Variants in UNC13C observed in about 807,000 individuals in gnomAD.
UNC13C encodes the protein protein unc-13 homolog C.
UNC13C carries 174 observed loss-of-function variants against 245.4 expected under a neutral mutation model. The observed-to-expected ratio is 0.71, with a 90% confidence interval of 0.63 to 0.80. UNC13C has a LOEUF of 0.80. UNC13C is among the 30% of genes least tolerant of loss of function. The pLI is 0.00. For missense variants in UNC13C, 2,829 were observed against 2,602.9 expected, an observed-to-expected ratio of 1.09 and a Z score of -1.89; for synonymous variants, 992 against 895.1, an observed-to-expected ratio of 1.11 and a Z score of -1.93.
At chr15:54,002,944 T>G (rs140713687) in intron 1 of UNC13C, among the ~76,000 whole-genome samples, 24 of 152,334 alleles carry the variant, frequency 1.6e-4, no homozygotes, top group African/African-American at 5.8e-4. Context: ...GGCCTGCGTT[T>G]TTGTTCCAGC....
chr15:54,014,226 C>T lies in UNC13C; in HGVS notation c.1323C>T (p.Ile441=). The change falls in exon 2 of 33, where the codon ATC becomes ATT. Residue 441 remains isoleucine (I), a synonymous_variant. Transcript: ENST00000260323. ...AGTTGTCTACTCCAGAGCCAAAAATCAAGAAGAACAATTGGCAGTCACCTG... is the reference window on the plus strand; with the variant it reads ...AGTTGTCTACTCCAGAGCCAAAAATTAAGAAGAACAATTGGCAGTCACCTG... ...AIKLSTPEPK[I]KKNNWQSPDD... 1 of 1,613,874 alleles carries T rather than the reference C, an allele frequency of 6.2e-7. No individual in the cohort carries two copies. The highest frequency in any genetic ancestry group is 8.5e-7 in the Non-Finnish European group (1 of 1,179,832).
rs926091492 is a variant in UNC13C at position 54,429,375 on chromosome 15, A to G, written c.4933+14308A>G. ...TTTTATGAACTTCCCATATTTTTCCACGTCTTTATCTTTTTAAAAGTGTAA... is the reference window on the plus strand; with the variant it reads ...TTTTATGAACTTCCCATATTTTTCCGCGTCTTTATCTTTTTAAAAGTGTAA... On this transcript the variant is annotated intron_variant, in intron 19 of 32. Transcript: ENST00000260323. Among the ~76,000 whole-genome samples the G allele has an allele frequency of 2.0e-5, 3 of 151,866 alleles. No individual in the cohort carries two copies. The South Asian group carries it at 6.2e-4, about 31-fold the overall frequency.
the UNC13C span, among the ~76,000 whole-genome samples, chr15:53,852,920 G>T: frequency 6.6e-6 from 1 of 151,988 alleles, no homozygotes; most frequent in Non-Finnish European, 1.5e-5. Flanking sequence ...TAAGAAAATT[G>T]CTACAGAATT....
the UNC13C span, among the ~76,000 whole-genome samples, chr15:53,916,511 C>G: frequency 6.6e-6 from 1 of 152,066 alleles, no homozygotes; most frequent in African/African-American, 2.4e-5. Flanking sequence ...TGGGAAAGGC[C>G]AGGACTTGTA....
At chr15:53,934,612 C>T in the UNC13C span, among the ~76,000 whole-genome samples, 5 of 152,134 alleles carry the variant, frequency 3.3e-5, no homozygotes, top group African/African-American at 1.2e-4. Context: ...CTCAAATAGT[C>T]GTAGAAGGTA....
chr15:54,293,014 A>G (rs2037341466), intron 10 of UNC13C, among the ~76,000 whole-genome samples: 1 of 151,086 alleles, frequency 6.6e-6, no homozygotes, highest in African/African-American at 2.4e-5. Context: ...GTGTATATAC[A>G]TATATAATAT....
rs764006044 is a variant in UNC13C, at chr15:54,143,612, C to T, written c.3007-8C>T. The T allele has an allele frequency of 3.1e-6, 5 of 1,612,302 alleles. No individual in the cohort carries two copies. Among genetic ancestry groups the T allele is most frequent in the Non-Finnish European group, 4.2e-6 (5 of 1,178,834 alleles). On this transcript the variant is annotated splice_region_variant and splice_polypyrimidine_tract_variant and intron_variant, in intron 3 of 32. Transcript: ENST00000260323. ...TTTGTTTTGTTTTTCTCTTACTCTT[C>T]ATTTAAGGCTCGAATAGTAAGTGGC...
chr15:54,425,446 GC>G (rs2040740658), intron 19 of UNC13C, among the ~76,000 whole-genome samples: 1 of 151,842 alleles, frequency 6.6e-6, no homozygotes, highest in Non-Finnish European at 1.5e-5. Context: ...GAATTTTCAT[GC>G]TATGCTCCAC....
At chr15:54,335,695 T>G (rs1331828328) in intron 16 of UNC13C, among the ~76,000 whole-genome samples, 1 of 152,200 alleles carries the variant, frequency 6.6e-6, no homozygotes, top group Non-Finnish European at 1.5e-5. Context: ...GTATCAACAA[T>G]TCACTTCTGT....
At chr15:53,919,405 T>C in the UNC13C span, among the ~76,000 whole-genome samples, 1 of 152,150 alleles carries the variant, frequency 6.6e-6, no homozygotes, top group Non-Finnish European at 1.5e-5. Flanking sequence ...GAATCAGCGC[T>C]CTTAGGGTAG....
At chr15:54,421,196 G>T (rs1038466609) in intron 19 of UNC13C, among the ~76,000 whole-genome samples, 1 of 151,700 alleles carries the variant, frequency 6.6e-6, no homozygotes, top group East Asian at 1.9e-4. Flanking sequence ...CAAGATTCCT[G>T]GTGATTCTAG....
rs1264763374 is a variant in UNC13C at position 54,384,954 on chromosome 15, A to G, written c.4714-8094A>G. On this transcript the variant is annotated intron_variant, in intron 17 of 32. Transcript: ENST00000260323. ...CAGGGAAATGCAAATCAAAACCACAATGAAACATCACTTTACTCCAGTTAG... is the reference window on the plus strand; with the variant it reads ...CAGGGAAATGCAAATCAAAACCACAGTGAAACATCACTTTACTCCAGTTAG... 2.4e-4 allele frequency among the ~76,000 whole-genome samples: 36 copies of G among 152,172 alleles called. 1 individual carries two copies. Among genetic ancestry groups the G allele is most frequent in the Admixed American group, 2.4e-3 (36 of 15,256 alleles).
chr15:54,331,673 G>A (rs1402670267), intron 14 of UNC13C, among the ~76,000 whole-genome samples: 1 of 152,014 alleles, frequency 6.6e-6, no homozygotes, highest in African/African-American at 2.4e-5. Flanking sequence ...AAGAAGAATG[G>A]GTTGCATTTT....
intron 30 of UNC13C, among the ~76,000 whole-genome samples, chr15:54,592,030 T>A (rs908349314): frequency 2.0e-5 from 3 of 152,170 alleles, no homozygotes; most frequent in Non-Finnish European, 4.4e-5. Flanking sequence ...ATTTCTTAAT[T>A]TTTATCTCAA....
chr15:54,622,492 C>A, intron 31 of UNC13C, 73 bp downstream of exon 31: 1 of 1,161,960 alleles, frequency 8.6e-7, no homozygotes, highest in South Asian at 1.4e-5. Flanking sequence ...AGCAATGTAA[C>A]TTTTCTTGCA....
rs146177578 is a variant in UNC13C at position 54,063,264 on chromosome 15, G to A, written c.2983+47378G>A. On this transcript the variant is annotated intron_variant, in intron 2 of 32. Coordinates refer to ENST00000260323, the MANE Select transcript of UNC13C (RefSeq NM_001080534.3). Reference sequence around the variant, plus strand: ...CCTGGCTGATATGCTTTAAGTAAATGAGAGTTTGATTTTAGGGAAGGGTAG... The same window carrying A: ...CCTGGCTGATATGCTTTAAGTAAATAAGAGTTTGATTTTAGGGAAGGGTAG... Among the ~76,000 whole-genome samples the A allele has an allele frequency of 5.0e-4, 76 of 152,276 alleles. 1 individual carries two copies. The East Asian group carries it at 8.9e-3, about 18-fold the overall frequency.
At chr15:53,996,802 C>T (rs931615327) in intron 1 of UNC13C, among the ~76,000 whole-genome samples, 3 of 148,416 alleles carry the variant, frequency 2.0e-5, no homozygotes, top group Non-Finnish European at 4.5e-5. Flanking sequence ...TTCAAATATA[C>T]CATAATTTGT....
chr15:54,065,431 A>T (rs1475797137), intron 2 of UNC13C, among the ~76,000 whole-genome samples: 1 of 152,214 alleles, frequency 6.6e-6, no homozygotes, highest in East Asian at 1.9e-4. Context: ...TTTGATAATG[A>T]ACCATGCTAA....
At chr15:53,950,750 C>G in the UNC13C span, among the ~76,000 whole-genome samples, 1 of 152,120 alleles carries the variant, frequency 6.6e-6, no homozygotes, top group Non-Finnish European at 1.5e-5. Context: ...AGGGGTTATG[C>G]ATTTTTCTCA....
Sources: gnomAD v4.1 joint callset for allele counts (sites outside exome capture counted in the v4.1 genomes callset) on GRCh38, gnomAD v4.1.1 for gene constraint, MANE v1.5 for transcripts, NCBI Gene and HGNC (gene_info 2026-07-23, HGNC 2026-07-21) for gene names.